CA10: variants seen among roughly 807,000 people sequenced by gnomAD.
The protein encoded by CA10 is carbonic anhydrase 10 (inactive).
In CA10, 14 loss-of-function variants were observed where a neutral mutation model predicts 44.2. The ratio of observed to expected loss-of-function variants is 0.32; its 90% CI spans 0.21 to 0.50. CA10 has a LOEUF of 0.50. Among genes scored for constraint, CA10 ranks in the 20% least tolerant of loss-of-function variants. The probability of loss-of-function intolerance (pLI) is 0.99; values close to 1 mark genes in which losing one functional copy is unlikely to be tolerated. For missense variants in CA10, 350 were observed against 409.7 expected (o/e 0.85, Z 1.26); for synonymous variants, 159 against 141.6 (o/e 1.12, Z -0.87).
At chr17:51,827,365 CAT>C (rs1226762644) in intron 3 of CA10, among the ~76,000 whole-genome samples, 3 of 151,700 alleles carry the variant, frequency 2.0e-5, no homozygotes, top group Admixed American at 6.6e-5. Context: ...TACACACACA[CAT>C]ACACACACAC....
At chr17:52,032,297 A>T (rs1421591629) in intron 2 of CA10, among the ~76,000 whole-genome samples, 1 of 152,128 alleles carries the variant, frequency 6.6e-6, no homozygotes, top group Non-Finnish European at 1.5e-5. Context: ...TATTATTATT[A>T]TTATTTTCAT....
At chr17:51,863,336 C>T (rs1398204136) in intron 3 of CA10, among the ~76,000 whole-genome samples, 1 of 152,196 alleles carries the variant, frequency 6.6e-6, no homozygotes, top group Non-Finnish European at 1.5e-5. Context: ...ATGCTTAAAT[C>T]CAGCTCAAGT....
At chr17:51,859,391 T>A (rs1021771656) in intron 3 of CA10, among the ~76,000 whole-genome samples, 2 of 152,150 alleles carry the variant, frequency 1.3e-5, no homozygotes, top group African/African-American at 4.8e-5. Flanking sequence ...CAAACTAGTA[T>A]GTTAATGTCT....
intron 3 of CA10, among the ~76,000 whole-genome samples, chr17:51,804,238 G>GA (rs139399496): frequency 1.6e-3 from 248 of 152,046 alleles, no homozygotes; most frequent in African/African-American, 5.5e-3. Flanking sequence ...TAATCTGGAG[G>GA]AAAAAAGAGA....
At chr17:51,857,422 G>A (rs1278368883) in intron 3 of CA10, among the ~76,000 whole-genome samples, 2 of 152,126 alleles carry the variant, frequency 1.3e-5, no homozygotes, top group African/African-American at 4.8e-5. Context: ...CCAAGAGCAT[G>A]ACTCTGTATT....
intron 4 of CA10, among the ~76,000 whole-genome samples, chr17:51,697,119 TGTACTA>T (rs1332471533): frequency 6.6e-6 from 1 of 151,356 alleles, no homozygotes. Context: ...AGAGCTGAAC[TGTACTA>T]GTACCATCAC....
intron 3 of CA10, among the ~76,000 whole-genome samples, chr17:51,897,229 CTTGAA>C (rs1369736352): frequency 6.6e-6 from 1 of 151,958 alleles, no homozygotes; most frequent in Non-Finnish European, 1.5e-5. Flanking sequence ...TTTAATCCAC[CTTGAA>C]TTGATTTGAT....
chr17:52,150,993 A>G (rs945684390), intron 1 of CA10, among the ~76,000 whole-genome samples: 4 of 152,180 alleles, frequency 2.6e-5, no homozygotes, highest in Admixed American at 6.5e-5. Context: ...CTATTAGGTC[A>G]GGATTTTTTT....
chr17:51,948,727 T>C (rs1983375478), intron 2 of CA10, among the ~76,000 whole-genome samples: 1 of 152,182 alleles, frequency 6.6e-6, no homozygotes, highest in Non-Finnish European at 1.5e-5. Context: ...AATTAAACAA[T>C]TATTTTATAT....
At chr17:52,068,262 T>TC (rs971625775) in intron 2 of CA10, among the ~76,000 whole-genome samples, 2 of 152,200 alleles carry the variant, frequency 1.3e-5, no homozygotes, top group Non-Finnish European at 2.9e-5. Context: ...AAGGGGCTCT[T>TC]CCCCCTTCAC....
rs200076116 is a variant in CA10, at chr17:51,966,800, C to T, written c.137-35668G>A. On this transcript the variant is annotated intron_variant, in intron 2 of 8. Transcript: ENST00000451037. ...CATTCTGGACAGAAATAAATTCTGC[C>T]TTGGGACAGAATTTATGAATAAGTC... 8.6e-5 allele frequency among the ~76,000 whole-genome samples: 13 copies of T among 151,390 alleles called. No homozygotes were observed. In the East Asian group the frequency reaches 2.3e-3, roughly 27 times the overall value.
At chr17:52,035,169 A>T (rs571514975) in intron 2 of CA10, among the ~76,000 whole-genome samples, 2 of 152,112 alleles carry the variant, frequency 1.3e-5, no homozygotes, top group Admixed American at 1.3e-4. Context: ...TTCATAAACC[A>T]CCCATGGCCC....
intron 4 of CA10, among the ~76,000 whole-genome samples, chr17:51,723,103 G>A (rs2143535942): frequency 6.6e-6 from 1 of 152,308 alleles, no homozygotes; most frequent in African/African-American, 2.4e-5. Context: ...TTATTAATGA[G>A]CCTTTCAAGA....
intron 3 of CA10, among the ~76,000 whole-genome samples, chr17:51,790,891 G>A (rs1009199667): frequency 2.0e-5 from 3 of 152,078 alleles, no homozygotes; most frequent in Non-Finnish European, 4.4e-5. Flanking sequence ...CTGTTTTGGG[G>A]GCATGGAAAC....
At position 52,157,953 on chromosome 17, in the gene CA10, C is replaced by T. The variant is rs1442708213; in HGVS notation, c.-167G>A. ...ACAGTCACCCCCAAGATCAATATCG[C>T]AGTTTGAATTGTTCCGGCAAATCTC... On this transcript the variant is annotated 5_prime_UTR_variant, in exon 1 of 9. Transcript: ENST00000451037. The T allele has an allele frequency of 1.5e-6, 1 of 668,266 alleles. No individual in the cohort carries two copies. The highest frequency in any genetic ancestry group is 2.7e-6 in the Non-Finnish European group (1 of 368,684). 41.4% of individuals were successfully genotyped at this position (668,266 alleles called of 1,614,324 possible). A position where few individuals can be genotyped will look rare whatever the true frequency, so the allele number is the denominator to read the frequency against.
intron 3 of CA10, among the ~76,000 whole-genome samples, chr17:51,773,472 G>C (rs1436728838): frequency 2.0e-5 from 3 of 152,194 alleles, no homozygotes; most frequent in African/African-American, 7.2e-5. Context: ...CACCCTCAGA[G>C]CCTGGTGGAG....
chr17:51,703,520 TTG>T (rs1187198252), intron 4 of CA10, among the ~76,000 whole-genome samples: 2 of 151,958 alleles, frequency 1.3e-5, no homozygotes, highest in Non-Finnish European at 2.9e-5. Context: ...CCCATCCATA[TTG>T]TTTTGAGAAT....
chr17:52,096,850 T>C (rs774261148), intron 1 of CA10, among the ~76,000 whole-genome samples: 2 of 152,326 alleles, frequency 1.3e-5, no homozygotes, highest in Middle Eastern at 3.4e-3. Context: ...ATTAAAGTTA[T>C]AGAAAATGCA....
intron 3 of CA10, among the ~76,000 whole-genome samples, chr17:51,892,037 G>A (rs1459412492): frequency 6.6e-6 from 1 of 152,212 alleles, no homozygotes; most frequent in Non-Finnish European, 1.5e-5. Flanking sequence ...CTAGTTCATG[G>A]CATTCGCCAG....
Sources: allele counts gnomAD v4.1 joint callset (sites outside exome capture counted in the v4.1 genomes callset), GRCh38; gene constraint gnomAD v4.1.1; transcripts MANE v1.5; gene names NCBI Gene and HGNC (gene_info 2026-07-23, HGNC 2026-07-21).